The following TRAPPC9 variants were observed in gnomAD, a reference collection of about 807,000 sequenced individuals.
The protein encoded by TRAPPC9 is IKK2 binding protein.
TRAPPC9 carries 83 observed loss-of-function variants against 124.0 expected under a neutral mutation model. The observed-to-expected ratio is 0.67, with a 90% confidence interval of 0.56 to 0.80. The LOEUF is 0.80. Among genes scored for constraint, TRAPPC9 ranks in the 30% least tolerant of loss-of-function variants. The pLI, the probability that TRAPPC9 is intolerant of heterozygous loss-of-function variation, is 0.00. For missense variants in TRAPPC9, 1,302 were observed against 1,508.3 expected, an observed-to-expected ratio of 0.86 and a Z score of 2.27; for synonymous variants, 638 against 617.5, an observed-to-expected ratio of 1.03 and a Z score of -0.49.
intron 4 of TRAPPC9, 21 bp downstream of exon 4, chr8:140,435,091 C>T (rs771503273): frequency 4.8e-5 from 77 of 1,613,944 alleles, no homozygotes; most frequent in African/African-American, 4.0e-4. Context: ...GAGCAGAGGC[C>T]GGAAAAAGGG....
intron 21 of TRAPPC9, among the ~76,000 whole-genome samples, chr8:139,831,185 T>C (rs1421649409): frequency 6.6e-6 from 1 of 152,178 alleles, no homozygotes; most frequent in East Asian, 1.9e-4. Context: ...AAGCTTCTTG[T>C]TGTAGGTTCC....
At chr8:139,763,670 G>A (rs771709243) in intron 21 of TRAPPC9, among the ~76,000 whole-genome samples, 22 of 151,922 alleles carry the variant, frequency 1.4e-4, no homozygotes, top group Non-Finnish European at 2.8e-4. Flanking sequence ...ACACATGCAC[G>A]CACGCGTGCA....
intron 21 of TRAPPC9, among the ~76,000 whole-genome samples, chr8:139,775,662 G>C (rs1429251519): frequency 6.6e-6 from 1 of 152,178 alleles, no homozygotes; most frequent in Non-Finnish European, 1.5e-5. Context: ...CCAGGTGTGA[G>C]CCCAGAGCCC....
intron 16 of TRAPPC9, among the ~76,000 whole-genome samples, chr8:140,222,967 A>C (rs2063370946): frequency 6.6e-6 from 1 of 152,260 alleles, no homozygotes; most frequent in Non-Finnish European, 1.5e-5. Context: ...ATGTGGACTC[A>C]CATCAGTATG....
Position 140,252,549 on chromosome 8 carries a change from A to T in TRAPPC9, c.2431+228T>A. The T allele has an allele frequency of 1.8e-6, 1 of 545,290 alleles. No homozygotes were observed. Among genetic ancestry groups the T allele is most frequent in the Admixed American group, 3.2e-5 (1 of 31,152 alleles). The allele number at this position is 545,290 out of a possible 1,614,324, so 33.8% of individuals were successfully genotyped here. A position where few individuals can be genotyped will look rare whatever the true frequency, so the allele number is the denominator to read the frequency against. On this transcript the variant is annotated intron_variant, in intron 16 of 22. Transcript: ENST00000438773. This position sits in a 1 kb window ranked among gnomAD's most constrained non-coding sequence, Gnocchi z 4.2. ...TGACCTGCTGGTAAATGAGTACAAA[A>T]TAATAAAGAGTGAGAATTAAATCAT...
At chr8:140,074,879 G>A (rs199652569) in intron 17 of TRAPPC9, among the ~76,000 whole-genome samples, 2 of 152,212 alleles carry the variant, frequency 1.3e-5, no homozygotes, top group Non-Finnish European at 2.9e-5. Context: ...GGCCTCTGGT[G>A]CTGTTGATCG....
intron 21 of TRAPPC9, among the ~76,000 whole-genome samples, chr8:139,779,065 T>C (rs1821590916): frequency 6.6e-6 from 1 of 151,240 alleles, no homozygotes; most frequent in African/African-American, 2.4e-5. Flanking sequence ...TAATAAGTAC[T>C]GCTCAAAACC....
At chr8:139,796,925 G>T (rs1823141122) in intron 21 of TRAPPC9, among the ~76,000 whole-genome samples, 1 of 152,182 alleles carries the variant, frequency 6.6e-6, no homozygotes. Flanking sequence ...CCGTCTTTTT[G>T]ATTCTAGCCA....
At chr8:140,283,774 C>T in intron 14 of TRAPPC9, 115 bp downstream of exon 14, 2 of 1,113,370 alleles carry the variant, frequency 1.8e-6, no homozygotes, top group South Asian at 2.5e-5. Context: ...AAATCCTTCA[C>T]CTATATTCTG....
chr8:140,220,842 G>A (rs1014445599), intron 17 of TRAPPC9, among the ~76,000 whole-genome samples: 1 of 152,204 alleles, frequency 6.6e-6, no homozygotes, highest in Non-Finnish European at 1.5e-5. Context: ...CTGCAGCCCA[G>A]TCACAGCTCT....
At chr8:139,857,248 T>A (rs1432242326) in intron 21 of TRAPPC9, among the ~76,000 whole-genome samples, 1 of 152,102 alleles carries the variant, frequency 6.6e-6, no homozygotes, top group Non-Finnish European at 1.5e-5. Context: ...ATGGGCCTGG[T>A]ATCGCAGGAC....
intron 19 of TRAPPC9, among the ~76,000 whole-genome samples, chr8:139,965,691 C>T (rs1055024119): frequency 8.3e-5 from 5 of 60,140 alleles, no homozygotes; most frequent in Admixed American, 1.9e-4. Flanking sequence ...CTTCCCTGTT[C>T]CAGAGACATA....
chr8:139,970,299 C>T (rs1244359901), intron 19 of TRAPPC9, among the ~76,000 whole-genome samples: 1 of 152,236 alleles, frequency 6.6e-6, no homozygotes, highest in Non-Finnish European at 1.5e-5. Context: ...AACTGCAGAA[C>T]TCGGTCCCCA....
chr8:140,422,393 T>C (rs914858423), intron 5 of TRAPPC9, among the ~76,000 whole-genome samples: 1 of 152,026 alleles, frequency 6.6e-6, no homozygotes, highest in Non-Finnish European at 1.5e-5. Flanking sequence ...AATGAAAAGA[T>C]AACACACAGA....
At chr8:139,943,937 A>G (rs756025549) in intron 19 of TRAPPC9, among the ~76,000 whole-genome samples, 9 of 152,190 alleles carry the variant, frequency 5.9e-5, no homozygotes, top group Non-Finnish European at 8.8e-5. Context: ...AACAATATCA[A>G]ACATTCTAAC....
intron 6 of TRAPPC9, among the ~76,000 whole-genome samples, chr8:140,403,972 T>C (rs1008230135): frequency 3.9e-5 from 6 of 152,182 alleles, no homozygotes; most frequent in Admixed American, 1.3e-4. Flanking sequence ...AAAAAAAACA[T>C]ATACTCTTTA....
intron 17 of TRAPPC9, among the ~76,000 whole-genome samples, chr8:140,167,988 G>T (rs1239115505): frequency 6.6e-6 from 1 of 152,164 alleles, no homozygotes; most frequent in Non-Finnish European, 1.5e-5. Context: ...AATCTATGCA[G>T]CAACTGTATG....
intron 17 of TRAPPC9, among the ~76,000 whole-genome samples, chr8:140,114,253 C>A (rs2060835226): frequency 1.3e-5 from 2 of 150,056 alleles, no homozygotes; most frequent in African/African-American, 4.9e-5. Flanking sequence ...CACCCCCAGG[C>A]CATATATCCA....
intron 9 of TRAPPC9, among the ~76,000 whole-genome samples, chr8:140,359,102 G>A (rs1041786187): frequency 7.2e-5 from 11 of 152,194 alleles, no homozygotes; most frequent in Non-Finnish European, 1.2e-4. Context: ...CATGGGACAC[G>A]TCTGCAGGCC....
Sources: gnomAD v4.1 joint callset for allele counts (sites outside exome capture counted in the v4.1 genomes callset) on GRCh38, gnomAD v4.1.1 for gene constraint, Gnocchi (gnomAD v3.1) non-coding constraint, MANE v1.5 for transcripts, NCBI Gene and HGNC (gene_info 2026-07-23, HGNC 2026-07-21) for gene names.